COIL: variants seen among roughly 807,000 people sequenced by gnomAD.
The protein encoded by COIL is coilin, also known as coilin p80.
In COIL, 28 loss-of-function variants were observed where a neutral mutation model predicts 51.6. The observed-to-expected ratio is 0.54, with a 90% CI of 0.40 to 0.74. COIL has a LOEUF of 0.74. COIL is among the 30% of genes least tolerant of loss of function. The pLI is 0.00. For synonymous variants in COIL, 233 were observed against 255.8 expected (o/e 0.91, Z 0.85); for missense variants, 667 against 685.9 (o/e 0.97, Z 0.31).
chr17:56,952,678 A>G (rs1910395696), intron 1 of COIL, among the ~76,000 whole-genome samples: 18 of 152,152 alleles, frequency 1.2e-4, no homozygotes, highest in Admixed American at 1.2e-3. Flanking sequence ...AACTAGAAAT[A>G]TACCATTGGC....
At position 56,938,877 on chromosome 17, in the gene COIL, A is replaced by C. The variant is rs1161380309; in HGVS notation, c.*194T>G. On this transcript the variant is annotated 3_prime_UTR_variant, in exon 7 of 7. Coordinates refer to ENST00000240316, the MANE Select transcript of COIL (RefSeq NM_004645.3). The stretch of plus-strand genomic sequence containing the variant: ...TGTTAACTGAAATTAAACCTGACAA[A>C]AAAACCAAAGATCTACAAAACCGAC... 1 of 446,688 alleles carries C rather than the reference A, an allele frequency of 2.2e-6. No individual in the cohort carries two copies. The highest frequency in any genetic ancestry group is 3.6e-5 in the East Asian group (1 of 27,418). The allele number at this position is 446,688 out of a possible 1,614,324, so 27.7% of individuals were successfully genotyped here.
Position 56,950,969 on chromosome 17 carries a change from A to C in COIL, c.273T>G (p.Ala91=). 1 of 1,606,836 alleles carries C rather than the reference A, an allele frequency of 6.2e-7. No homozygotes were observed. The part of the protein sequence containing the change: ...LRVKLEERGV[A]ENSVVISNGD... ...CATTACTGATGACTACAGAATTCTCAGCAACTCCTCTCTCTTCTAATTTAA... is the reference window on the plus strand; with the variant it reads ...CATTACTGATGACTACAGAATTCTCCGCAACTCCTCTCTCTTCTAATTTAA... Residue 91 remains alanine (A), a synonymous_variant, in exon 2 of 7, where the codon GCT becomes GCG. Transcript: ENST00000240316.
intron 5 of COIL, 37 bp from the exon 6 acceptor site, chr17:56,942,160 A>G (rs1473408621): frequency 2.0e-6 from 3 of 1,491,578 alleles, no homozygotes; most frequent in Admixed American, 1.7e-5. Context: ...AGAGTAAGTC[A>G]TTTTTCAATA....
At position 56,938,447 on chromosome 17, in the gene COIL, C is replaced by G. The variant is rs1298051338; in HGVS notation, c.*624G>C. 2 of 152,242 alleles carry G rather than the reference C, an allele frequency of 1.3e-5. No homozygotes were observed. Among genetic ancestry groups the G allele is most frequent in the African/African-American group, 2.4e-5 (1 of 41,448 alleles). 9.4% of individuals were successfully genotyped at this position (152,242 alleles called of 1,614,324 possible). A position where few individuals can be genotyped will look rare whatever the true frequency, so the allele number is the denominator to read the frequency against. ...TCACTGAAGTGAAACACCAATTCTCCAGGCATACACACACATACGCACATC... is the reference window on the plus strand; with the variant it reads ...TCACTGAAGTGAAACACCAATTCTCGAGGCATACACACACATACGCACATC... On this transcript the variant is annotated 3_prime_UTR_variant, in exon 7 of 7. Transcript: ENST00000240316.
intron 2 of COIL, 37 bp downstream of exon 2, chr17:56,949,852 G>A: frequency 6.2e-7 from 1 of 1,610,688 alleles, no homozygotes; most frequent in Non-Finnish European, 8.5e-7. Context: ...ATTCTAAGGG[G>A]AAAGGGAGGA....
intron 1 of COIL, among the ~76,000 whole-genome samples, chr17:56,955,038 C>T (rs1779736197): frequency 6.6e-6 from 1 of 152,120 alleles, no homozygotes. Flanking sequence ...TCACTAGTGA[C>T]GAAAGAGTTG....
rs774397680 is a variant in COIL at position 56,950,000 on chromosome 17, C to T, written c.1242G>A (p.Gly414=). Residue 414 remains glycine (G), a synonymous_variant, in exon 2 of 7, where the codon GGG becomes GGA. Transcript: ENST00000240316. ...CAGGATGCCCTCGTCCTCGACCTCT[C>T]CCCCGCATGCCCCGTCCCTTAGCTC... ...WKGAKGRGMR[G]RGRGRGHPVS... 2.5e-6 allele frequency: 4 copies of T among 1,614,148 alleles called. No homozygotes were observed. Among genetic ancestry groups the T allele is most frequent in the Non-Finnish European group, 2.5e-6 (3 of 1,180,018 alleles).
intron 5 of COIL, among the ~76,000 whole-genome samples, chr17:56,945,394 C>G (rs1910229898): frequency 6.6e-6 from 1 of 152,138 alleles, no homozygotes; most frequent in African/African-American, 2.4e-5. Context: ...AGGAATCTCC[C>G]CTGCCCTCTG....
At chr17:56,949,134 T>A (rs928274926) in intron 4 of COIL, among the ~76,000 whole-genome samples, 18 of 152,082 alleles carry the variant, frequency 1.2e-4, no homozygotes, top group South Asian at 2.1e-4. Context: ...ATTAATATAT[T>A]TTTTTTAAAA....
rs60161322 is a variant in COIL, at chr17:56,939,743, AAAATAAATAAAT to A, written c.1648-601_1648-590del. 2.0e-5 allele frequency among the ~76,000 whole-genome samples: 3 copies of A among 152,046 alleles called. 1 individual carries two copies. The highest frequency in any genetic ancestry group is 4.1e-4 in the South Asian group (2 of 4,824). On this transcript the variant is annotated intron_variant, in intron 6 of 6. Transcript: ENST00000240316. ...TGACAGAGTGAAACTCTGTGCTGGG[AAAATAAATAAAT>A]AAATAAATAAATAACTCATTTACTT...
intron 5 of COIL, among the ~76,000 whole-genome samples, chr17:56,946,199 G>A (rs1598093877): frequency 1.3e-5 from 2 of 151,998 alleles, no homozygotes; most frequent in South Asian, 2.1e-4. Flanking sequence ...TTTTATAATC[G>A]ATTTTCATCA....
At position 56,951,007 on chromosome 17, in the gene COIL, A is replaced by C. The variant is rs1205666894; in HGVS notation, c.246-11T>G. On this transcript the variant is annotated splice_polypyrimidine_tract_variant and intron_variant, in intron 1 of 6. Transcript: ENST00000240316. ...TCTTCTAATTTAACTCTGTCAAAAG[A>C]ACAAGAGAGAAAGCTAGAGTGAGCA... The C allele has an allele frequency of 6.3e-7, 1 of 1,589,550 alleles. No homozygotes were observed. Among genetic ancestry groups the C allele is most frequent in the Admixed American group, 1.8e-5 (1 of 56,000 alleles).
intron 1 of COIL, among the ~76,000 whole-genome samples, chr17:56,956,411 TTTG>T (rs1157416815): frequency 2.7e-5 from 4 of 150,204 alleles, no homozygotes; most frequent in East Asian, 4.1e-4. Flanking sequence ...GCTAATTTTT[TTTG>T]TTTGTTTTTT....
intron 6 of COIL, among the ~76,000 whole-genome samples, chr17:56,939,446 AAAAAC>A (rs1438537390): frequency 1.3e-5 from 2 of 152,002 alleles, no homozygotes; most frequent in African/African-American, 4.8e-5. Context: ...TTTTTAATTA[AAAAAC>A]AAAACAAAAA....
intron 1 of COIL, among the ~76,000 whole-genome samples, chr17:56,957,952 G>A (rs1439343422): frequency 1.3e-5 from 2 of 152,216 alleles, no homozygotes; most frequent in African/African-American, 4.8e-5. Context: ...AGTGTGTGGT[G>A]CATCCAAAGC....
Position 56,960,533 on chromosome 17 carries a change from A to T in COIL, c.245+242T>A, listed in dbSNP as rs1277011981. On this transcript the variant is annotated intron_variant, in intron 1 of 6. Transcript: ENST00000240316. ...AGCAGGACTCCGTCTCAAAAAAAAA[A>T]AAATAATAATAAAAAATAATAATAA... is the stretch of plus-strand genomic sequence containing the variant. 4.3e-4 allele frequency among the ~76,000 whole-genome samples: 63 copies of T among 147,588 alleles called. 1 individual carries two copies. In the East Asian group the frequency reaches 5.9e-3, roughly 14 times the overall value.
chr17:56,945,403 T>C (rs947740447), intron 5 of COIL, among the ~76,000 whole-genome samples: 1 of 152,170 alleles, frequency 6.6e-6, no homozygotes, highest in Admixed American at 6.5e-5. Context: ...CCCTGCCCTC[T>C]GGCCAGGGAC....
chr17:56,948,132 A>ATTTTTT (rs11450212), intron 4 of COIL, among the ~76,000 whole-genome samples: 7 of 123,834 alleles, frequency 5.7e-5, no homozygotes, highest in East Asian at 2.3e-4. Context: ...TTGAGGAAAG[A>ATTTTTT]TTTTTTTTTT....
At chr17:56,958,099 C>G (rs1183576033) in intron 1 of COIL, among the ~76,000 whole-genome samples, 1 of 152,224 alleles carries the variant, frequency 6.6e-6, no homozygotes, top group Non-Finnish European at 1.5e-5. Flanking sequence ...CAGCTTTTGT[C>G]TCTATAACTG....
Sources: gnomAD v4.1 joint callset for allele counts (sites outside exome capture counted in the v4.1 genomes callset) on GRCh38, gnomAD v4.1.1 for gene constraint, MANE v1.5 for transcripts, NCBI Gene and HGNC (gene_info 2026-07-23, HGNC 2026-07-21) for gene names.